ATRNL1: variants seen among roughly 807,000 people sequenced by gnomAD.
The protein encoded by ATRNL1 is attractin-like protein 1.
Under a neutral mutation model 182.7 loss-of-function variants are expected in ATRNL1, and 95 were observed. The observed-to-expected ratio is 0.52, with a 90% CI of 0.44 to 0.62. The LOEUF (loss-of-function observed/expected upper bound fraction) is 0.62. Ranked by LOEUF, ATRNL1 falls within the 20% of genes least tolerant of loss-of-function variation. The pLI, the probability that ATRNL1 is intolerant of heterozygous loss-of-function variation, is 0.00. For missense variants in ATRNL1, 1,471 were observed against 1,679.5 expected, an observed-to-expected ratio of 0.88 and a Z score of 2.17; for synonymous variants, 576 against 568.3, an observed-to-expected ratio of 1.01 and a Z score of -0.19.
At chr10:115,605,700 T>C (rs1555017397) in intron 26 of ATRNL1, among the ~76,000 whole-genome samples, 1 of 152,026 alleles carries the variant, frequency 6.6e-6, no homozygotes, top group African/African-American at 2.4e-5. Context: ...ATGTGCCTTT[T>C]AGTATGCATA....
chr10:115,454,216 A>G lies in ATRNL1; in HGVS notation c.3323-7725A>G, dbSNP rs79849014. On this transcript the variant is annotated intron_variant, in intron 21 of 28. Coordinates refer to ENST00000355044, the MANE Select transcript of ATRNL1 (RefSeq NM_207303.4). ...TTGAAGATCAGTTAACTCTACATGC[A>G]TGGGTTTATTTCTGGGTTCTTTACC... Among the ~76,000 whole-genome samples the G allele has an allele frequency of 1.9e-3, 291 of 152,132 alleles. 8 individuals carry two copies. In the East Asian group the frequency reaches 0.049, roughly 25 times the overall value.
At chr10:115,606,867 T>C (rs1555017746) in intron 26 of ATRNL1, among the ~76,000 whole-genome samples, 1 of 152,012 alleles carries the variant, frequency 6.6e-6, no homozygotes, top group South Asian at 2.1e-4. Flanking sequence ...ACATGAACAA[T>C]GATTGTACAC....
At chr10:115,597,469 C>T (rs1856317190) in intron 26 of ATRNL1, 1 of 328,104 alleles carries the variant, frequency 3.0e-6, no homozygotes, top group Non-Finnish European at 5.9e-6. Context: ...ATTAAAATGG[C>T]AATCGAATAC....
intron 19 of ATRNL1, among the ~76,000 whole-genome samples, chr10:115,370,022 A>C (rs185439864): frequency 5.9e-5 from 9 of 152,224 alleles, no homozygotes; most frequent in Admixed American, 3.3e-4. Flanking sequence ...TTCCCATGCT[A>C]TTCTTGTCAT....
intron 19 of ATRNL1, among the ~76,000 whole-genome samples, chr10:115,384,356 A>T (rs1858210483): frequency 1.3e-5 from 2 of 152,104 alleles, no homozygotes; most frequent in South Asian, 4.1e-4. Flanking sequence ...AAAAGTTTCC[A>T]CTGTATCTCC....
At chr10:115,320,831 C>G (rs1034658907) in intron 18 of ATRNL1, among the ~76,000 whole-genome samples, 1 of 151,910 alleles carries the variant, frequency 6.6e-6, no homozygotes, top group Non-Finnish European at 1.5e-5. Context: ...TTTAGCTCAG[C>G]GTAGTTTTTT....
At chr10:115,119,762 T>C (rs979611563) in intron 1 of ATRNL1, among the ~76,000 whole-genome samples, 25 of 152,092 alleles carry the variant, frequency 1.6e-4, no homozygotes, top group African/African-American at 5.1e-4. Flanking sequence ...AGAAAAAATA[T>C]AGCTTACATG....
chr10:115,706,482 G>T (rs1296940871), intron 26 of ATRNL1, among the ~76,000 whole-genome samples: 1 of 151,536 alleles, frequency 6.6e-6, no homozygotes, highest in Non-Finnish European at 1.5e-5. Context: ...ATTTTTTGGG[G>T]GTGGGCATTA....
intron 26 of ATRNL1, among the ~76,000 whole-genome samples, chr10:115,638,076 A>G (rs946246662): frequency 1.3e-5 from 2 of 151,970 alleles, no homozygotes; most frequent in Admixed American, 6.6e-5. Flanking sequence ...TTCACTCACT[A>G]CTCACTCACT....
At chr10:115,423,535 A>G (rs1409825450) in intron 20 of ATRNL1, among the ~76,000 whole-genome samples, 3 of 152,162 alleles carry the variant, frequency 2.0e-5, no homozygotes, top group Non-Finnish European at 4.4e-5. Context: ...CTCAGAAACA[A>G]ACAAGCAAAT....
At chr10:115,333,248 G>A (rs1564924247) in intron 18 of ATRNL1, among the ~76,000 whole-genome samples, 1 of 152,104 alleles carries the variant, frequency 6.6e-6, no homozygotes, top group Non-Finnish European at 1.5e-5. Flanking sequence ...TTAATTTTAT[G>A]TCCCAAATAG....
chr10:115,194,815 A>G (rs1408245874), intron 8 of ATRNL1, among the ~76,000 whole-genome samples: 1 of 149,826 alleles, frequency 6.7e-6, no homozygotes, highest in South Asian at 2.1e-4. Context: ...TTCTGGTAGT[A>G]TATTTTAATT....
chr10:115,683,995 CAT>C (rs1946137925), intron 26 of ATRNL1, among the ~76,000 whole-genome samples: 1 of 151,592 alleles, frequency 6.6e-6, no homozygotes, highest in African/African-American at 2.4e-5. Context: ...ATCTGATACA[CAT>C]ATTTTTATCT....
chr10:115,930,741 G>T (rs1222953142), intron 28 of ATRNL1, among the ~76,000 whole-genome samples: 1 of 152,102 alleles, frequency 6.6e-6, no homozygotes, highest in Non-Finnish European at 1.5e-5. Context: ...AAACATCTGG[G>T]CATGAGCATT....
intron 18 of ATRNL1, among the ~76,000 whole-genome samples, chr10:115,323,964 C>T (rs201529940): frequency 2.7e-5 from 4 of 148,568 alleles, no homozygotes; most frequent in South Asian, 2.2e-4. Context: ...TTTTTAGTAG[C>T]GATGGGGTTT....
At chr10:115,453,039 G>T (rs1847354716) in intron 21 of ATRNL1, among the ~76,000 whole-genome samples, 1 of 152,050 alleles carries the variant, frequency 6.6e-6, no homozygotes, top group African/African-American at 2.4e-5. Context: ...CCTTTTTAAT[G>T]CTGAACAATA....
chr10:115,102,867 T>C (rs1039171816), intron 1 of ATRNL1, among the ~76,000 whole-genome samples: 3 of 152,318 alleles, frequency 2.0e-5, no homozygotes, highest in Admixed American at 6.5e-5. Flanking sequence ...GGGATTTTTA[T>C]TGAGATTGTG....
chr10:115,928,005 G>A (rs528638995), intron 28 of ATRNL1, among the ~76,000 whole-genome samples: 8 of 152,008 alleles, frequency 5.3e-5, no homozygotes, highest in Admixed American at 4.6e-4. Context: ...TTCAGAATTT[G>A]GCTCTATGGA....
At chr10:115,398,169 A>G (rs1414932110) in intron 20 of ATRNL1, among the ~76,000 whole-genome samples, 1 of 151,942 alleles carries the variant, frequency 6.6e-6, no homozygotes, top group Non-Finnish European at 1.5e-5. Flanking sequence ...AAAAATGAAC[A>G]TTTTAAGAGA....
Sources: allele counts gnomAD v4.1 joint callset (sites outside exome capture counted in the v4.1 genomes callset), GRCh38; gene constraint gnomAD v4.1.1; transcripts MANE v1.5; gene names NCBI Gene and HGNC (gene_info 2026-07-23, HGNC 2026-07-21).